The following TTN variants were observed in gnomAD, a reference collection of about 807,000 sequenced individuals.
The protein encoded by TTN is connectin.
TTN carries 1,525 observed loss-of-function variants against 3,223.0 expected under a neutral mutation model. That is an observed-to-expected ratio of 0.47 (90% confidence interval 0.45 to 0.49). The LOEUF is 0.49. Ranked by LOEUF, TTN falls within the 20% of genes least tolerant of loss-of-function variation. The pLI, the probability that TTN is intolerant of heterozygous loss-of-function variation, is 0.00. For synonymous variants in TTN, 14,094 were observed against 15,161.0 expected (o/e 0.93, Z 5.17); for missense variants, 40,786 against 43,424.0 (o/e 0.94, Z 5.40).
rs2062202194 is a variant in TTN, at chr2:178,647,472, G to C, written c.40058-8C>G. ...TCTCAGGCACTTTGGGCACTTTAAAGATATGATTTTGTTTACTATTAAGAA... is the reference window on the plus strand; with the variant it reads ...TCTCAGGCACTTTGGGCACTTTAAACATATGATTTTGTTTACTATTAAGAA... On this transcript the variant is annotated splice_polypyrimidine_tract_variant and splice_region_variant and intron_variant, in intron 213 of 362. Coordinates refer to ENST00000589042, the MANE Select transcript of TTN (RefSeq NM_001267550.2). 1.3e-6 allele frequency: 2 copies of C among 1,549,376 alleles called. No homozygotes were observed. Among genetic ancestry groups the C allele is most frequent in the Non-Finnish European group, 8.7e-7 (1 of 1,146,216 alleles).
At chr2:178,763,932 T>C (rs537444445) in intron 43 of TTN, among the ~76,000 whole-genome samples, 1 of 34,834 alleles carries the variant, frequency 2.9e-5, no homozygotes. Context: ...TGAAAAACAC[T>C]AATTTTTTTA....
At chr2:178,673,217 C>T (rs774289197) in intron 152 of TTN, among the ~76,000 whole-genome samples, 3 of 151,642 alleles carry the variant, frequency 2.0e-5, no homozygotes, top group Non-Finnish European at 4.4e-5. Flanking sequence ...ACAAAAGGGA[C>T]GTGAGGCTCT....
In TTN at chr2:178,577,229, T is replaced by C; in HGVS notation, c.69106A>G (p.Thr23036Ala). Residue 23036 changes from threonine to alanine, a missense_variant, in exon 324 of 363, where the codon ACA becomes GCA. Transcript: ENST00000589042. ...GGGGGACCAGGTACATCAAGGACTG[T>C]TACCTTCACATGTTCCACCTTCGTG... ...FGTKVEHVKV[T>A]VLDVPGPPGP... 2 of 1,613,020 alleles carry C rather than the reference T, an allele frequency of 1.2e-6. No homozygotes were observed. The highest frequency in any genetic ancestry group is 1.7e-6 in the Non-Finnish European group (2 of 1,179,488).
At chr2:178,538,038 C>A in intron 354 of TTN, 121 bp from the exon 355 acceptor site, 1 of 958,382 alleles carries the variant, frequency 1.0e-6, no homozygotes, top group Non-Finnish European at 1.5e-6. Context: ...TACATATTAG[C>A]CTAATTCTTA....
intron 215 of TTN, 86 bp downstream of exon 215, chr2:178,646,978 G>A (rs2062096946): frequency 2.3e-6 from 1 of 444,164 alleles, no homozygotes; most frequent in Non-Finnish European, 3.6e-6. Context: ...ATTTCAAGAA[G>A]GAATATTGTC....
In TTN at chr2:178,734,349, T is replaced by C. The variant is rs1553929310; in HGVS notation, c.15475A>G (p.Met5159Val). 1.2e-6 allele frequency: 2 copies of C among 1,600,894 alleles called. No individual in the cohort carries two copies. Among genetic ancestry groups the C allele is most frequent in the Non-Finnish European group, 1.7e-6 (2 of 1,171,938 alleles). ...TAACCTTTGAGTAAGTGGGTTGCCA[T>C]GCAGCCACACTTGCCGACTTCATTA... ...VANEVGKCGC[M>V]ATHLLKEPPT... The change falls in exon 52 of 363, where the codon ATG becomes GTG. Residue 5159 changes from methionine to valine, a missense_variant. Transcript: ENST00000589042.
chr2:178,795,997 T>C (rs1251281636), intron 6 of TTN, among the ~76,000 whole-genome samples: 1 of 152,234 alleles, frequency 6.6e-6, no homozygotes, highest in Non-Finnish European at 1.5e-5. Flanking sequence ...ATTGACTAAC[T>C]TAAAAACTAA....
At position 178,780,124 on chromosome 2, in the gene TTN, A is replaced by G. The variant is rs150667217; in HGVS notation, c.3605T>C (p.Val1202Ala). 1,051 of 1,613,700 alleles carry G rather than the reference A, an allele frequency of 6.5e-4. 1 individual carries two copies. Among genetic ancestry groups the G allele is most frequent in the Non-Finnish European group, 8.5e-4 (1,003 of 1,179,880 alleles). Residue 1202 changes from valine (V) to alanine (A), a missense_variant, in exon 22 of 363, where the codon GTT (valine) becomes GCT (alanine). Val to Ala is a moderately conservative substitution (Grantham distance 64, BLOSUM62 0). Transcript: ENST00000589042. ...QVTAFVQEPKVGETAPGFVYS... is the reference protein window; with the variant it reads ...QVTAFVQEPKAGETAPGFVYS... ...TACAAATCCAGGTGCTGTTTCTCCA[A>G]CTTTAGGTTCTTGAACAAATGCAGT...
chr2:178,711,523 T>C (rs1193434442), intron 96 of TTN, among the ~76,000 whole-genome samples, 174 bp from the exon 97 acceptor site: 1 of 152,180 alleles, frequency 6.6e-6, no homozygotes, highest in African/African-American at 2.4e-5. Flanking sequence ...GGAGCAAAAG[T>C]ATCACTCTGA....
intron 242 of TTN, 143 bp downstream of exon 242, chr2:178,624,322 T>A (rs1275701477): frequency 7.4e-6 from 7 of 940,042 alleles, no homozygotes; most frequent in Non-Finnish European, 3.3e-6. Flanking sequence ...ACATAAAGGA[T>A]CAGGTTAGGT....
Position 178,591,252 on chromosome 2 carries a change from C to T in TTN, c.60473G>A (p.Gly20158Asp). Residue 20158 changes from glycine (G) to aspartate (D), a missense_variant, in exon 304 of 363, where the codon GGT becomes GAT. Transcript: ENST00000589042. ...AAGATGTACGGCTACTGTTTTGCTA[C>T]CGGCTGCATTGGAAACTGTGATTTG... ...EYQITVSNAA[G>D]SKTVAVHLTV... is the part of the protein sequence containing the mutation. The T allele has an allele frequency of 1.2e-6, 2 of 1,613,256 alleles. No individual in the cohort carries two copies. Among genetic ancestry groups the T allele is most frequent in the African/African-American group, 1.3e-5 (1 of 74,986 alleles).
At chr2:178,797,820 G>A (rs2093849954) in intron 6 of TTN, among the ~76,000 whole-genome samples, 1 of 152,008 alleles carries the variant, frequency 6.6e-6, no homozygotes, top group African/African-American at 2.4e-5. Context: ...AGTTGAATCT[G>A]TAACTGTCTT....
chr2:178,649,563 C>A lies in TTN; in HGVS notation c.39964G>T (p.Ala13322Ser). Residue 13322 changes from alanine to serine, a missense_variant, in exon 212 of 363, where the codon GCA becomes TCA. Physicochemically the swap from Ala to Ser is moderately conservative, Grantham distance 99. Transcript: ENST00000589042. The stretch of plus-strand genomic sequence containing the variant: ...ACGATGAAGTGAATACCTTTAGCTG[C>A]TGGTGTTTCTGGCTTCTTAACAGTT... ...VPTVKKPETPAAKVPEVPKKL... is the reference protein window; with the variant it reads ...VPTVKKPETPSAKVPEVPKKL... The A allele has an allele frequency of 1.3e-6, 2 of 1,549,704 alleles. No individual in the cohort carries two copies. Among genetic ancestry groups the A allele is most frequent in the Non-Finnish European group, 1.7e-6 (2 of 1,146,474 alleles).
chr2:178,635,661 T>C lies in TTN; in HGVS notation c.41663A>G (p.Lys13888Arg), dbSNP rs1324858653. ...ATCACAGGCAAAAATAGCTGTCCCCTTGGGTTTCACATGCTGGTCTCGTAT... is the reference window on the plus strand; with the variant it reads ...ATCACAGGCAAAAATAGCTGTCCCCCTGGGTTTCACATGCTGGTCTCGTAT... ...KPIRDQHVKP[K>R]GTAIFACDIA... The change falls in exon 227 of 363, where the codon AAG (lysine) becomes AGG (arginine). Residue 13888 changes from lysine to arginine, a missense_variant. By Grantham distance (26) the Lys-to-Arg change is conservative. Transcript: ENST00000589042. The C allele has an allele frequency of 6.2e-7, 1 of 1,601,064 alleles. No individual in the cohort carries two copies. Among genetic ancestry groups the C allele is most frequent in the Non-Finnish European group, 8.5e-7 (1 of 1,173,190 alleles).
intron 234 of TTN, 61 bp downstream of exon 234, chr2:178,632,857 G>C: frequency 1.2e-6 from 2 of 1,612,028 alleles, no homozygotes; most frequent in Non-Finnish European, 1.7e-6. Flanking sequence ...GATCAATGCA[G>C]GGGTGTATCA....
intron 347 of TTN, 39 bp downstream of exon 347, chr2:178,543,030 A>C: frequency 6.7e-7 from 1 of 1,502,604 alleles, no homozygotes; most frequent in Non-Finnish European, 8.9e-7. Flanking sequence ...TTTTCATTTT[A>C]CTTTACTTTT....
rs1435809981 is a variant in TTN, at chr2:178,621,141, C to G, written c.45577G>C (p.Val15193Leu). 1.2e-6 allele frequency: 2 copies of G among 1,612,596 alleles called. No homozygotes were observed. The highest frequency in any genetic ancestry group is 4.5e-5 in the East Asian group (2 of 44,616). The change falls in exon 246 of 363, where the codon GTA (valine) becomes CTA (leucine). Residue 15193 changes from valine to leucine, a missense_variant. Transcript: ENST00000589042. Reference protein sequence around the residue: ...LQDMGTYVVMVGAARAAAHLT... With the variant: ...LQDMGTYVVMLGAARAAAHLT... ...TGAGCTGCTGCTCTGGCGGCCCCTACCATGACAACGTAAGTGCCCATATCT... is the reference window on the plus strand; with the variant it reads ...TGAGCTGCTGCTCTGGCGGCCCCTAGCATGACAACGTAAGTGCCCATATCT...
intron 3 of TTN, among the ~76,000 whole-genome samples, chr2:178,800,907 T>C (rs1211407812): frequency 6.6e-6 from 1 of 152,234 alleles, no homozygotes; most frequent in African/African-American, 2.4e-5. Flanking sequence ...TGCTTTGTTT[T>C]GCTGAGCAGT....
chr2:178,629,293 C>T lies in TTN; in HGVS notation c.44424+8G>A, dbSNP rs2154219377. On this transcript the variant is annotated splice_region_variant and intron_variant, in intron 240 of 362. Transcript: ENST00000589042. Reference sequence around the variant, plus strand: ...GAACGGGAAAGACAAGGCATGCCTGCTTTTTACCTTATCGCTGGGCTCTAG... The same window carrying T: ...GAACGGGAAAGACAAGGCATGCCTGTTTTTTACCTTATCGCTGGGCTCTAG... 6.2e-7 allele frequency: 1 copy of T among 1,611,986 alleles called. No homozygotes were observed. The highest frequency in any genetic ancestry group is 8.5e-7 in the Non-Finnish European group (1 of 1,178,874).
Sources: gnomAD v4.1 joint callset for allele counts (sites outside exome capture counted in the v4.1 genomes callset) on GRCh38, gnomAD v4.1.1 for gene constraint, MANE v1.5 for transcripts, NCBI Gene and HGNC (gene_info 2026-07-23, HGNC 2026-07-21) for gene names.